The following PLEKHA6 variants were observed in gnomAD, a reference collection of about 807,000 sequenced individuals.
The protein encoded by PLEKHA6 is pleckstrin homology domain-containing family A member 6.
Under a neutral mutation model 116.7 loss-of-function variants are expected in PLEKHA6, and 60 were observed. The observed-to-expected ratio is 0.51, with a 90% CI of 0.42 to 0.64. The LOEUF is 0.64. PLEKHA6 is among the 30% of genes least tolerant of loss of function. The probability of loss-of-function intolerance (pLI) is 0.00; values close to 1 mark genes in which losing one functional copy is unlikely to be tolerated. For synonymous variants in PLEKHA6, 489 were observed against 556.1 expected (o/e 0.88, Z 1.70); for missense variants, 1,338 against 1,422.7 (o/e 0.94, Z 0.96).
chr1:204,321,980 A>G (rs1178000587), intron 1 of PLEKHA6, among the ~76,000 whole-genome samples: 1 of 152,224 alleles, frequency 6.6e-6, no homozygotes, highest in Non-Finnish European at 1.5e-5. Flanking sequence ...GCAGGAGACT[A>G]AAAAATATTG....
intron 1 of PLEKHA6, among the ~76,000 whole-genome samples, chr1:204,343,714 G>A (rs1672926872): frequency 6.6e-6 from 1 of 152,212 alleles, no homozygotes; most frequent in African/African-American, 2.4e-5. Flanking sequence ...CTACTTCACA[G>A]GGCAGTGCTC....
At chr1:204,255,453 G>T (rs1665146720) in intron 9 of PLEKHA6, among the ~76,000 whole-genome samples, 1 of 152,182 alleles carries the variant, frequency 6.6e-6, no homozygotes, top group South Asian at 2.1e-4. Context: ...CTGTCCTAAA[G>T]GGCTTTGAAG....
In PLEKHA6 at chr1:204,235,365, G is replaced by T. The variant is rs540028838; in HGVS notation, c.2410-4779C>A. Among the ~76,000 whole-genome samples, 3 of 152,222 alleles carry T rather than the reference G, an allele frequency of 2.0e-5. No homozygotes were observed. In the East Asian group the frequency reaches 5.8e-4, roughly 29 times the overall value. ...CTTTGACCATATGTGGAGAACCAAG[G>T]AACATAATGAAGCTGGTTGGTTGCT... On this transcript the variant is annotated intron_variant, in intron 17 of 22. Coordinates refer to ENST00000272203, the MANE Select transcript of PLEKHA6 (RefSeq NM_014935.5).
At position 204,228,073 on chromosome 1, in the gene PLEKHA6, C is replaced by A. The variant is rs763919606; in HGVS notation, c.3031+10G>T. The stretch of plus-strand genomic sequence containing the variant: ...CCTGGCAGGGTGGAGCGAGGCCCAG[C>A]CCCTCTCACCAGACAGCATGCGGCC... On this transcript the variant is annotated intron_variant, in intron 21 of 22. Transcript: ENST00000272203. This position sits in a 1 kb window ranked among gnomAD's most constrained non-coding sequence, Gnocchi z 4.0. 3.7e-6 allele frequency: 6 copies of A among 1,610,428 alleles called. No individual in the cohort carries two copies. The African/African-American group carries it at 5.3e-5, about 14-fold the overall frequency.
At chr1:204,309,768 T>G in intron 1 of PLEKHA6, 13 of 786,606 alleles carry the variant, frequency 1.7e-5, no homozygotes, top group African/African-American at 1.9e-5. Flanking sequence ...TTATGTTAAC[T>G]ACCAATATTA....
intron 1 of PLEKHA6, chr1:204,309,208 G>A (rs551680638): frequency 3.9e-4 from 81 of 206,886 alleles, no homozygotes; most frequent in African/African-American, 1.8e-3. Context: ...GGTCTCCCCC[G>A]CATCTCAACC....
intron 1 of PLEKHA6, among the ~76,000 whole-genome samples, chr1:204,373,102 T>C (rs1673807062): frequency 6.7e-6 from 1 of 148,484 alleles, no homozygotes; most frequent in Admixed American, 6.7e-5. Context: ...TTTTTTTTTT[T>C]TTTTTGAGAT....
intron 1 of PLEKHA6, among the ~76,000 whole-genome samples, chr1:204,335,632 A>G (rs1455161102): frequency 2.0e-5 from 3 of 152,052 alleles, no homozygotes; most frequent in African/African-American, 7.2e-5. Flanking sequence ...AGTGCCAGGG[A>G]GATGATGCCA....
chr1:204,244,901 C>A lies in PLEKHA6; in HGVS notation c.2135G>T (p.Gly712Val). ...SPLSPFSLVS[G>V]SQGSPTKPGS... is the part of the protein sequence containing the mutation. ...AGGCTTGGTGGGGGACCCCTGAGAG[C>A]CCGACACCAGTGAAAAGGGGCTCAG... Residue 712 changes from glycine (G) to valine (V), a missense_variant, in exon 15 of 23, where the codon GGC becomes GTC. Transcript: ENST00000272203. 2 of 1,557,042 alleles carry A rather than the reference C, an allele frequency of 1.3e-6. No individual in the cohort carries two copies. The highest frequency in any genetic ancestry group is 1.7e-6 in the Non-Finnish European group (2 of 1,149,972).
In PLEKHA6 at chr1:204,285,622, C is replaced by T. The variant is rs577395151; in HGVS notation, c.-94-10813G>A. On this transcript the variant is annotated intron_variant, in intron 1 of 22. Transcript: ENST00000272203. The stretch of plus-strand genomic sequence containing the variant: ...TCCCCAGTAGCTGGAACGTCAGGCA[C>T]GGGCCACCACGCTTGGCTAATTTGT... 2.3e-4 allele frequency among the ~76,000 whole-genome samples: 35 copies of T among 152,246 alleles called. 1 individual carries two copies. In the South Asian group the frequency reaches 6.8e-3, roughly 30 times the overall value.
upstream of PLEKHA6, chr1:204,377,753 GCC>G (rs1186900867): frequency 6.6e-6 from 1 of 152,448 alleles, no homozygotes; most frequent in Non-Finnish European, 1.5e-5. Flanking sequence ...CCCACTTGCT[GCC>G]CCCTTCCAGA....
chr1:204,346,529 CTGGTTA>C (rs1558194280), intron 1 of PLEKHA6, among the ~76,000 whole-genome samples: 1 of 152,278 alleles, frequency 6.6e-6, no homozygotes, highest in Non-Finnish European at 1.5e-5. Flanking sequence ...ATTTCTCTTA[CTGGTTA>C]ATACACACCC....
chr1:204,345,749 C>G (rs1673018779), intron 1 of PLEKHA6, among the ~76,000 whole-genome samples: 1 of 152,150 alleles, frequency 6.6e-6, no homozygotes, highest in South Asian at 2.1e-4. Context: ...GTTCTGCTCC[C>G]CCTGACCCCA....
chr1:204,272,430 C>G (rs1335958559), intron 3 of PLEKHA6, among the ~76,000 whole-genome samples: 1 of 152,226 alleles, frequency 6.6e-6, no homozygotes, highest in Non-Finnish European at 1.5e-5. Context: ...AAACCTCCCT[C>G]CAGTCTTGCG....
At position 204,229,102 on chromosome 1, in the gene PLEKHA6, C is replaced by T; in HGVS notation, c.2586G>A (p.Val862=). The T allele has an allele frequency of 6.2e-7, 1 of 1,611,962 alleles. No individual in the cohort carries two copies. Among genetic ancestry groups the T allele is most frequent in the Non-Finnish European group, 8.5e-7 (1 of 1,179,672 alleles). The change falls in exon 19 of 23, where the codon GTG becomes GTA. Residue 862 remains valine (V), a splice_region_variant and synonymous_variant. Transcript: ENST00000272203. ...CCTCATGGATGCTGCGGTGGCGGCG[C>T]ACCTAGGGGACAGCAGCATCGTGAT... The part of the protein sequence containing the change: ...DPSPRPAYKV[V]RRHRSIHEVD...
intron 1 of PLEKHA6, chr1:204,311,640 A>T (rs1291288208): frequency 2.1e-6 from 2 of 974,758 alleles, no homozygotes; most frequent in Non-Finnish European, 2.4e-6. Context: ...CAAGATGTTC[A>T]AAGGGTTTTT....
chr1:204,371,053 C>CAAAAAAAAAAAAAAAAAAAAA (rs34493461), intron 2 of PLEKHA6, among the ~76,000 whole-genome samples: 15 of 68,482 alleles, frequency 2.2e-4, no homozygotes, highest in African/African-American at 8.3e-4. Flanking sequence ...GACTCTGCCT[C>CAAAAAAAAAAAAAAAAAAAAA]AAAAAAAAAA....
Position 204,282,709 on chromosome 1 carries a change from T to C in PLEKHA6, c.-94-7900A>G. 3.0e-6 allele frequency: 3 copies of C among 985,386 alleles called. No individual in the cohort carries two copies. In the South Asian group the frequency reaches 1.4e-4, roughly 46 times the overall value. 61.0% of individuals were successfully genotyped at this position (985,386 alleles called of 1,614,324 possible). Reference sequence around the variant, plus strand: ...CACCCAGAAGCTGCCATGGGCAGGCTGGGAGACACTTTCTCCTTCACCCTG... The same window carrying C: ...CACCCAGAAGCTGCCATGGGCAGGCCGGGAGACACTTTCTCCTTCACCCTG... On this transcript the variant is annotated intron_variant, in intron 1 of 22. Transcript: ENST00000272203.
chr1:204,223,429 G>T lies in PLEKHA6; in HGVS notation c.*8+33C>A. The T allele has an allele frequency of 8.1e-7, 1 of 1,232,840 alleles. No homozygotes were observed. Among genetic ancestry groups the T allele is most frequent in the Non-Finnish European group, 1.2e-6 (1 of 855,618 alleles). The allele number at this position is 1,232,840 out of a possible 1,614,324, so 76.4% of individuals were successfully genotyped here. A position where few individuals can be genotyped will look rare whatever the true frequency, so the allele number is the denominator to read the frequency against. On this transcript the variant is annotated intron_variant, in intron 22 of 22. Coordinates refer to ENST00000272203, the MANE Select transcript of PLEKHA6 (RefSeq NM_014935.5). The surrounding 1 kb of genome is among the most constrained non-coding windows in gnomAD (Gnocchi z 4.8). The stretch of plus-strand genomic sequence containing the variant: ...GGGTGAAGGAAGGGGCCCCACTCCC[G>T]AGGTGGATGAAATACAGTAGAAAAG...
Sources: gnomAD v4.1 joint callset for allele counts (sites outside exome capture counted in the v4.1 genomes callset) on GRCh38, gnomAD v4.1.1 for gene constraint, Gnocchi (gnomAD v3.1) non-coding constraint, MANE v1.5 for transcripts, NCBI Gene and HGNC (gene_info 2026-07-23, HGNC 2026-07-21) for gene names.